The following CENPP variants were observed in gnomAD, a reference collection of about 807,000 sequenced individuals.
CENPP encodes the protein centromere protein P.
In CENPP, 24 loss-of-function variants were observed where a neutral mutation model predicts 35.6. That is an observed-to-expected ratio of 0.67 (90% CI 0.49 to 0.95). The LOEUF (loss-of-function observed/expected upper bound fraction) is 0.95, where lower values mean the gene tolerates loss of function less well. Ranked by LOEUF, CENPP falls within the 40% of genes least tolerant of loss-of-function variation. CENPP has a pLI of 0.00. For synonymous variants in CENPP, 120 were observed against 125.5 expected (o/e 0.96, Z 0.29); for missense variants, 332 against 345.3 (o/e 0.96, Z 0.31).
chr9:92,395,892 G>T (rs1842873845), intron 5 of CENPP, among the ~76,000 whole-genome samples: 1 of 150,044 alleles, frequency 6.7e-6, no homozygotes, highest in Admixed American at 6.7e-5. Flanking sequence ...AGAACAGTTG[G>T]TTCCTTGATA....
chr9:92,412,637 C>T (rs1843475634), intron 5 of CENPP, among the ~76,000 whole-genome samples: 1 of 152,198 alleles, frequency 6.6e-6, no homozygotes, highest in Non-Finnish European at 1.5e-5. Context: ...TGACTTCTTT[C>T]ACTGAGCATA....
intron 1 of CENPP, among the ~76,000 whole-genome samples, chr9:92,328,160 A>G (rs1302971218): frequency 6.6e-6 from 1 of 152,106 alleles, no homozygotes; most frequent in Non-Finnish European, 1.5e-5. Context: ...TTATTTATAT[A>G]ATCTGGGACT....
chr9:92,447,771 G>A (rs1036852744), intron 5 of CENPP, among the ~76,000 whole-genome samples: 1 of 152,200 alleles, frequency 6.6e-6, no homozygotes, highest in Non-Finnish European at 1.5e-5. Flanking sequence ...CCGTAGAGAT[G>A]CAGGAAGGTT....
intron 5 of CENPP, among the ~76,000 whole-genome samples, chr9:92,443,422 A>G (rs1219344966): frequency 6.6e-6 from 1 of 152,188 alleles, no homozygotes; most frequent in Non-Finnish European, 1.5e-5. Context: ...CTACAAAACA[A>G]TGCCAAGAAG....
chr9:92,468,985 G>A (rs1845413573), intron 5 of CENPP, among the ~76,000 whole-genome samples: 1 of 152,162 alleles, frequency 6.6e-6, no homozygotes, highest in Non-Finnish European at 1.5e-5. Context: ...CATAGCCCCA[G>A]TATTAAATAT....
At chr9:92,480,429 A>G (rs139448501) in intron 5 of CENPP, among the ~76,000 whole-genome samples, 1 of 152,338 alleles carries the variant, frequency 6.6e-6, no homozygotes, top group Non-Finnish European at 1.5e-5. Flanking sequence ...TGTGCTTTGC[A>G]CTAGACTGCA....
At chr9:92,566,775 G>C (rs560318166) in intron 5 of CENPP, among the ~76,000 whole-genome samples, 2 of 152,300 alleles carry the variant, frequency 1.3e-5, no homozygotes, top group African/African-American at 4.8e-5. Context: ...AGTCTCAGAA[G>C]AAGACGAGAA....
chr9:92,609,509 TGGGGA>T (rs1449432126), intron 5 of CENPP, among the ~76,000 whole-genome samples: 1 of 152,226 alleles, frequency 6.6e-6, no homozygotes, highest in South Asian at 2.1e-4. Flanking sequence ...CCCTAAGGCC[TGGGGA>T]GGCCACAGTG....
rs989719261 is a variant in CENPP at position 92,619,911 on chromosome 9, C to T, written c.*6762C>T. 4.1e-5 allele frequency: 13 copies of T among 319,892 alleles called. No individual in the cohort carries two copies. The highest frequency in any genetic ancestry group is 1.2e-4 in the South Asian group (3 of 25,278). 19.8% of individuals were successfully genotyped at this position (319,892 alleles called of 1,614,324 possible). A position where few individuals can be genotyped will look rare whatever the true frequency, so the allele number is the denominator to read the frequency against. On this transcript the variant is annotated 3_prime_UTR_variant, in exon 8 of 8. Transcript: ENST00000375587. ...GGAAAAGCAGTAAGCCACCTGAGCC[C>T]CGCATGTTGGCCACACTCAGAGTAT... is the stretch of plus-strand genomic sequence containing the variant.
chr9:92,462,776 G>A (rs1038154747), intron 5 of CENPP, among the ~76,000 whole-genome samples: 2 of 152,180 alleles, frequency 1.3e-5, no homozygotes, highest in African/African-American at 4.8e-5. Context: ...TTTATGGAAT[G>A]ATTATGTGGA....
chr9:92,511,751 A>C (rs1847358109), intron 5 of CENPP, among the ~76,000 whole-genome samples: 1 of 152,188 alleles, frequency 6.6e-6, no homozygotes, highest in Non-Finnish European at 1.5e-5. Flanking sequence ...TTGGGAAGAA[A>C]CTACTCCATA....
chr9:92,369,513 T>G (rs1841962017), intron 4 of CENPP, among the ~76,000 whole-genome samples: 1 of 152,164 alleles, frequency 6.6e-6, no homozygotes, highest in Admixed American at 6.5e-5. Context: ...AAGGGCAAAT[T>G]GTTGATTATC....
intron 5 of CENPP, among the ~76,000 whole-genome samples, chr9:92,585,813 A>G (rs547772329): frequency 1.4e-4 from 21 of 152,338 alleles, no homozygotes; most frequent in Non-Finnish European, 2.2e-4. Flanking sequence ...TCACTAGGCT[A>G]TCATCTATCC....
At chr9:92,527,286 C>T (rs994343408) in intron 5 of CENPP, among the ~76,000 whole-genome samples, 1 of 152,186 alleles carries the variant, frequency 6.6e-6, no homozygotes, top group Non-Finnish European at 1.5e-5. Flanking sequence ...GCTAGGATTA[C>T]AGGCATGAGC....
At chr9:92,425,259 T>C (rs1564314222) in intron 5 of CENPP, among the ~76,000 whole-genome samples, 1 of 152,208 alleles carries the variant, frequency 6.6e-6, no homozygotes, top group East Asian at 1.9e-4. Flanking sequence ...CAGATAAAAT[T>C]AGTCAGTTGG....
chr9:92,505,358 G>A (rs1327084320), intron 5 of CENPP, among the ~76,000 whole-genome samples: 1 of 151,888 alleles, frequency 6.6e-6, no homozygotes, highest in African/African-American at 2.4e-5. Context: ...TTATAATTTC[G>A]ATTCAGAATT....
chr9:92,365,593 T>C (rs964305798), intron 4 of CENPP, among the ~76,000 whole-genome samples: 2 of 151,508 alleles, frequency 1.3e-5, no homozygotes, highest in African/African-American at 4.8e-5. Context: ...GTATTCTTAG[T>C]AGAGATGGGG....
At chr9:92,505,468 T>C (rs1422333828) in intron 5 of CENPP, 1 of 1,331,064 alleles carries the variant, frequency 7.5e-7, no homozygotes, top group Admixed American at 2.4e-5. Context: ...TTAAAATATA[T>C]TTTGTTGTAG....
rs1300279984 is a variant in CENPP, at chr9:92,386,262, T to C, written c.564+6403T>C. 3.7e-6 allele frequency: 6 copies of C among 1,613,540 alleles called. No individual in the cohort carries two copies. The highest frequency in any genetic ancestry group is 5.1e-6 in the Non-Finnish European group (6 of 1,179,656). ...AAGAGGCACGGATTCCAGGGCATTA[T>C]GGTCCAAGTAGAGGAAGGTGAGGTT... On this transcript the variant is annotated intron_variant, in intron 5 of 7. Transcript: ENST00000375587.
Sources: allele counts gnomAD v4.1 joint callset (sites outside exome capture counted in the v4.1 genomes callset), GRCh38; gene constraint gnomAD v4.1.1; transcripts MANE v1.5; gene names NCBI Gene and HGNC (gene_info 2026-07-23, HGNC 2026-07-21).